MAP4K4: variants seen among roughly 807,000 people sequenced by gnomAD.
MAP4K4 encodes mitogen-activated protein kinase kinase kinase kinase 4, also known as HPK/GCK-like kinase HGK.
MAP4K4 carries 38 observed loss-of-function variants against 189.6 expected under a neutral mutation model. The observed-to-expected ratio is 0.20, with a 90% CI of 0.15 to 0.26. The LOEUF (loss-of-function observed/expected upper bound fraction) is 0.26. Ranked by LOEUF, MAP4K4 falls within the 10% of genes least tolerant of loss-of-function variation. The pLI is 1.00. For missense variants in MAP4K4, 1,054 were observed against 1,726.9 expected, an observed-to-expected ratio of 0.61 and a Z score of 6.91; for synonymous variants, 610 against 624.3, an observed-to-expected ratio of 0.98 and a Z score of 0.34.
chr2:101,887,204 A>G (rs1235352908), exon 30 of MAP4K4: 1 of 1,613,296 alleles, frequency 6.2e-7, no homozygotes, highest in Non-Finnish European at 8.5e-7. Flanking sequence ...ATGTGGATTC[A>G]GGATCAGTCT....
intron 3 of MAP4K4, among the ~76,000 whole-genome samples, chr2:101,823,723 A>G (rs2096212152): frequency 6.6e-6 from 1 of 152,028 alleles, no homozygotes; most frequent in Admixed American, 6.6e-5. Context: ...TTTACCTCCT[A>G]TGCATCACGT....
At chr2:101,765,537 C>G (rs760938230) in intron 2 of MAP4K4, among the ~76,000 whole-genome samples, 5 of 152,028 alleles carry the variant, frequency 3.3e-5, no homozygotes, top group Admixed American at 6.6e-5. Context: ...GTTGCCCAGG[C>G]TGGTGTCAAA....
At chr2:101,760,538 G>A (rs1182882681) in intron 2 of MAP4K4, among the ~76,000 whole-genome samples, 4 of 146,040 alleles carry the variant, frequency 2.7e-5, no homozygotes, top group African/African-American at 1.1e-4. Context: ...ATATGTGTGT[G>A]TGTGTGTGTG....
At chr2:101,797,794 G>T (rs1264142202) in intron 3 of MAP4K4, among the ~76,000 whole-genome samples, 3 of 147,580 alleles carry the variant, frequency 2.0e-5, no homozygotes, top group African/African-American at 7.5e-5. Context: ...AGAACTAATA[G>T]TTCCACTGTA....
At chr2:101,884,642 G>C (rs1378711446) in intron 28 of MAP4K4, among the ~76,000 whole-genome samples, 1 of 152,192 alleles carries the variant, frequency 6.6e-6, no homozygotes, top group Non-Finnish European at 1.5e-5. Context: ...GCTATGGGAA[G>C]GAGGCAGTTT....
chr2:101,804,336 TA>T (rs987140004), intron 3 of MAP4K4, among the ~76,000 whole-genome samples: 40 of 152,184 alleles, frequency 2.6e-4, no homozygotes, highest in African/African-American at 9.4e-4. Context: ...AGGTGATGTT[TA>T]GAACTATGAA....
At chr2:101,878,526 T>C (rs984936379) in intron 27 of MAP4K4, among the ~76,000 whole-genome samples, 12 of 152,236 alleles carry the variant, frequency 7.9e-5, no homozygotes, top group African/African-American at 2.9e-4. Flanking sequence ...ATAGATGTAT[T>C]AAAATGTATT....
chr2:101,876,475 A>G (rs1197108361), intron 26 of MAP4K4, among the ~76,000 whole-genome samples: 2 of 152,342 alleles, frequency 1.3e-5, no homozygotes, highest in South Asian at 2.1e-4. Flanking sequence ...ATGATGGTGG[A>G]AAGTGATCTT....
At chr2:101,767,489 C>G (rs1436333258) in intron 2 of MAP4K4, among the ~76,000 whole-genome samples, 1 of 152,212 alleles carries the variant, frequency 6.6e-6, no homozygotes, top group Admixed American at 6.5e-5. Context: ...ACTCTTCCTT[C>G]TGTATGACAG....
intron 2 of MAP4K4, among the ~76,000 whole-genome samples, chr2:101,725,765 G>GC (rs1454272709): frequency 2.6e-5 from 4 of 152,230 alleles, no homozygotes; most frequent in Non-Finnish European, 4.4e-5. Flanking sequence ...TCTGGTTGGT[G>GC]CATGTGTGGC....
intron 28 of MAP4K4, among the ~76,000 whole-genome samples, chr2:101,884,770 G>C (rs1019494836): frequency 1.3e-5 from 2 of 152,100 alleles, no homozygotes; most frequent in Non-Finnish European, 2.9e-5. Flanking sequence ...TTCTTCCTCA[G>C]TCTGTGTGAG....
At chr2:101,794,132 T>A (rs73943780) in intron 3 of MAP4K4, among the ~76,000 whole-genome samples, 2 of 152,160 alleles carry the variant, frequency 1.3e-5, no homozygotes, top group African/African-American at 4.8e-5. Flanking sequence ...AGGAACAGAT[T>A]AAGGATGTGC....
intron 3 of MAP4K4, among the ~76,000 whole-genome samples, chr2:101,807,181 G>A (rs952897867): frequency 6.6e-6 from 1 of 151,796 alleles, no homozygotes; most frequent in Non-Finnish European, 1.5e-5. Context: ...CTCTTGATTA[G>A]CTGGGGTTAT....
chr2:101,873,529 G>A (rs2098115741), intron 24 of MAP4K4, 118 bp from the exon 25 acceptor site: 2 of 617,336 alleles, frequency 3.2e-6, no homozygotes, highest in South Asian at 3.6e-5. Context: ...AATGATGCAA[G>A]GCAAATAGAG....
intron 2 of MAP4K4, among the ~76,000 whole-genome samples, chr2:101,764,799 A>G (rs2077890918): frequency 6.6e-6 from 1 of 152,152 alleles, no homozygotes; most frequent in African/African-American, 2.4e-5. Context: ...CTTTTTGTGA[A>G]TATTTCCCTT....
chr2:101,727,233 A>C (rs1441431101), intron 2 of MAP4K4, among the ~76,000 whole-genome samples: 1 of 152,250 alleles, frequency 6.6e-6, no homozygotes, highest in African/African-American at 2.4e-5. Context: ...TGGATGGTGT[A>C]GATGGTCTGT....
chr2:101,882,724 T>A, intron 28 of MAP4K4, 39 bp downstream of exon 28: 1 of 1,476,924 alleles, frequency 6.8e-7, no homozygotes, highest in Non-Finnish European at 9.0e-7. Flanking sequence ...TTTCCAGAGT[T>A]TGATTAGAGT....
At position 101,861,046 on chromosome 2, in the gene MAP4K4, A is replaced by C. The variant is rs1300567067; in HGVS notation, c.1866+60A>C. ...CTCATGCAACGGCTCGCTGAGCCGC[A>C]GGCCTGCTGTAATATCACAGTTTAG... On this transcript the variant is annotated intron_variant, in intron 16 of 32. Coordinates refer to ENST00000324219, the Ensembl canonical transcript of MAP4K4. The C allele has an allele frequency of 4.1e-6, 6 of 1,448,590 alleles. No individual in the cohort carries two copies. In the East Asian group the frequency reaches 1.2e-4, roughly 30 times the overall value. 89.7% of individuals were successfully genotyped at this position (1,448,590 alleles called of 1,614,324 possible).
intron 2 of MAP4K4, among the ~76,000 whole-genome samples, chr2:101,734,905 C>G (rs1337480928): frequency 1.3e-5 from 2 of 152,122 alleles, no homozygotes; most frequent in Non-Finnish European, 2.9e-5. Context: ...GCATCTAAGA[C>G]TCTTAGAACA....
Sources: allele counts gnomAD v4.1 joint callset (sites outside exome capture counted in the v4.1 genomes callset), GRCh38; gene constraint gnomAD v4.1.1; transcripts MANE v1.5; gene names NCBI Gene and HGNC (gene_info 2026-07-23, HGNC 2026-07-21).